LARGE1: variants seen among roughly 807,000 people sequenced by gnomAD.
LARGE1 encodes the protein LARGE xylosyl- and glucuronyltransferase 1, also known as xylosyl- and glucuronyltransferase LARGE1.
In LARGE1, 43 loss-of-function variants were observed where a neutral mutation model predicts 87.6. The observed-to-expected ratio is 0.49, with a 90% CI of 0.38 to 0.63. The LOEUF (loss-of-function observed/expected upper bound fraction) is 0.63. Among genes scored for constraint, LARGE1 ranks in the 30% least tolerant of loss-of-function variants. The pLI is 0.00. For synonymous variants in LARGE1, 434 were observed against 394.6 expected, an observed-to-expected ratio of 1.10 and a Z score of -1.18; for missense variants, 802 against 1,000.2, an observed-to-expected ratio of 0.80 and a Z score of 2.67.
At position 33,827,858 on chromosome 22, in the gene LARGE1, T is replaced by G. The variant is rs548547106; in HGVS notation, c.-82-66300A>C. ...ACACCTCCTCCCCTAGAGTTTCGGA[T>G]TATAGAGATCGAGGGTGGGATTGGA... On this transcript the variant is annotated intron_variant, in intron 1 of 14. Transcript: ENST00000397394. 2.0e-5 allele frequency among the ~76,000 whole-genome samples: 3 copies of G among 152,270 alleles called. No homozygotes were observed. In the East Asian group the frequency reaches 5.8e-4, roughly 29 times the overall value.
Position 33,656,355 on chromosome 22 carries a change from G to A in LARGE1, c.107-5687C>T, listed in dbSNP as rs2080960609. On this transcript the variant is annotated intron_variant, in intron 2 of 14. Coordinates refer to ENST00000397394, the MANE Select transcript of LARGE1 (RefSeq NM_133642.5). ...CCCTTATAAAACCATTGGATCTTGT[G>A]AGACTTATTCACTACCATGAGAACA... Among the ~76,000 whole-genome samples the A allele has an allele frequency of 1.3e-5, 2 of 152,144 alleles. 1 individual carries two copies. The highest frequency in any genetic ancestry group is 1.3e-4 in the Admixed American group (2 of 15,276).
chr22:33,073,293 C>T, the LARGE1 span, among the ~76,000 whole-genome samples: 1 of 152,172 alleles, frequency 6.6e-6, no homozygotes. Flanking sequence ...GGTCCCAATC[C>T]ATCTCTGTAG....
At chr22:33,545,419 A>AACAC (rs55754949) in intron 6 of LARGE1, among the ~76,000 whole-genome samples, 1,454 of 144,006 alleles carry the variant, frequency 0.01, 11 homozygotes, top group African/African-American at 0.019. Flanking sequence ...ACACCCAGCT[A>AACAC]ACACACACAC....
chr22:33,465,239 A>G (rs1269035012), intron 6 of LARGE1, among the ~76,000 whole-genome samples: 5 of 152,248 alleles, frequency 3.3e-5, no homozygotes, highest in Non-Finnish European at 7.3e-5. Context: ...TATAAAGCTA[A>G]AAGAGGCAAA....
chr22:33,441,071 CT>C (rs35976426), intron 6 of LARGE1, among the ~76,000 whole-genome samples: 213 of 98,520 alleles, frequency 2.2e-3, no homozygotes, highest in East Asian at 3.3e-3. Context: ...TTTGTTTGAA[CT>C]TTTTTTTTTT....
intron 6 of LARGE1, among the ~76,000 whole-genome samples, chr22:33,544,489 C>A (rs1447680428): frequency 6.6e-6 from 1 of 152,146 alleles, no homozygotes; most frequent in African/African-American, 2.4e-5. Context: ...GAGTTTGAGA[C>A]CTGCCTGGCC....
At chr22:33,418,627 A>C (rs1420998349) in intron 7 of LARGE1, among the ~76,000 whole-genome samples, 5 of 152,280 alleles carry the variant, frequency 3.3e-5, no homozygotes, top group African/African-American at 9.6e-5. Context: ...AGCTGCTAGC[A>C]GAAGAGCGGT....
chr22:33,686,749 C>T (rs1187244591), intron 2 of LARGE1, among the ~76,000 whole-genome samples: 3 of 152,130 alleles, frequency 2.0e-5, no homozygotes, highest in South Asian at 4.1e-4. Flanking sequence ...CAGCCCAATG[C>T]TCTCTGCATA....
In LARGE1 at chr22:33,557,240, A is replaced by G. The variant is rs540902485; in HGVS notation, c.787+7608T>C. Among the ~76,000 whole-genome samples the G allele has an allele frequency of 2.6e-5, 4 of 152,324 alleles. No individual in the cohort carries two copies. The East Asian group carries it at 7.7e-4, about 29-fold the overall frequency. On this transcript the variant is annotated intron_variant, in intron 6 of 14. Coordinates refer to ENST00000397394, the MANE Select transcript of LARGE1 (RefSeq NM_133642.5). ...GATTTGCTTCAAAGTTAATCTGAAA[A>G]TAATTAAAACCTCTTCACCCAATTC... is the stretch of plus-strand genomic sequence containing the variant.
intron 1 of LARGE1, among the ~76,000 whole-genome samples, chr22:33,871,921 A>G (rs1402226813): frequency 1.3e-5 from 2 of 148,710 alleles, no homozygotes; most frequent in African/African-American, 2.5e-5. Context: ...AGCAATGTTC[A>G]TTAGTGTTAA....
At chr22:33,535,335 G>T (rs1340562838) in intron 6 of LARGE1, among the ~76,000 whole-genome samples, 2 of 152,146 alleles carry the variant, frequency 1.3e-5, no homozygotes, top group South Asian at 4.1e-4. Context: ...CCGGAGGTCA[G>T]GAGTTTGAGA....
intron 1 of LARGE1, among the ~76,000 whole-genome samples, chr22:33,876,751 C>T (rs1247351156): frequency 6.6e-6 from 1 of 151,900 alleles, no homozygotes; most frequent in African/African-American, 2.4e-5. Flanking sequence ...AGGAAACCAC[C>T]ATGGCACATG....
intron 1 of LARGE1, among the ~76,000 whole-genome samples, chr22:33,789,407 C>T (rs148518486): frequency 1.4e-3 from 209 of 152,362 alleles, no homozygotes; most frequent in African/African-American, 4.8e-3. Flanking sequence ...AGAACCTCTG[C>T]TAGGACAGTG....
chr22:33,668,866 G>C (rs1360655286), intron 2 of LARGE1, among the ~76,000 whole-genome samples: 1 of 152,218 alleles, frequency 6.6e-6, no homozygotes, highest in Non-Finnish European at 1.5e-5. Context: ...TGGAAGTAGT[G>C]TAAGTATGTA....
chr22:33,437,269 G>A (rs2067304520), intron 6 of LARGE1, among the ~76,000 whole-genome samples: 1 of 152,146 alleles, frequency 6.6e-6, no homozygotes. Flanking sequence ...TAAACCAGTA[G>A]AATTCATTGG....
At chr22:33,179,095 C>T (rs906770827) in intron 11 of LARGE1, among the ~76,000 whole-genome samples, 9 of 152,108 alleles carry the variant, frequency 5.9e-5, no homozygotes, top group African/African-American at 1.7e-4. Context: ...ATCATGGGGG[C>T]CCCACCCTGA....
At chr22:33,757,562 T>C (rs2084564323) in intron 2 of LARGE1, among the ~76,000 whole-genome samples, 1 of 152,194 alleles carries the variant, frequency 6.6e-6, no homozygotes, top group Non-Finnish European at 1.5e-5. Context: ...TATATCATGC[T>C]GCGGCGTGTA....
the LARGE1 span, among the ~76,000 whole-genome samples, chr22:33,123,087 A>G: frequency 6.6e-6 from 1 of 152,124 alleles, no homozygotes; most frequent in African/African-American, 2.4e-5. Flanking sequence ...GCGGGCTTGT[A>G]GGCGTTCTAG....
chr22:33,397,089 C>T (rs1243001976), intron 7 of LARGE1, among the ~76,000 whole-genome samples: 1 of 152,006 alleles, frequency 6.6e-6, no homozygotes, highest in Admixed American at 6.6e-5. Flanking sequence ...AAAAACCTAC[C>T]CAATATCTTG....
Sources: gnomAD v4.1 joint callset for allele counts (sites outside exome capture counted in the v4.1 genomes callset) on GRCh38, gnomAD v4.1.1 for gene constraint, MANE v1.5 for transcripts, NCBI Gene and HGNC (gene_info 2026-07-23, HGNC 2026-07-21) for gene names.